CACNB2: variants seen among roughly 807,000 people sequenced by gnomAD.
CACNB2 encodes the protein voltage-dependent L-type calcium channel subunit beta-2.
In CACNB2, 42 loss-of-function variants were observed where a neutral mutation model predicts 73.3. The observed-to-expected ratio is 0.57, with a 90% CI of 0.45 to 0.74. The LOEUF (loss-of-function observed/expected upper bound fraction) is 0.74. CACNB2 is among the 30% of genes least tolerant of loss of function. The pLI is 0.00. For missense variants in CACNB2, 940 were observed against 853.0 expected (o/e 1.10, Z -1.27); for synonymous variants, 348 against 310.3 (o/e 1.12, Z -1.28).
At chr10:18,461,756 C>T (rs1002349512) in intron 3 of CACNB2, among the ~76,000 whole-genome samples, 7 of 135,858 alleles carry the variant, frequency 5.2e-5, no homozygotes, top group African/African-American at 1.1e-4. Flanking sequence ...TTAGGCATTT[C>T]GATAAAGCTT....
At chr10:18,389,676 A>G (rs2043379896) in intron 2 of CACNB2, among the ~76,000 whole-genome samples, 1 of 152,232 alleles carries the variant, frequency 6.6e-6, no homozygotes, top group Admixed American at 6.5e-5. Context: ...AGGTACATCT[A>G]AATGCATGTC....
chr10:18,512,019 T>C (rs972474149), intron 6 of CACNB2, among the ~76,000 whole-genome samples: 2 of 152,370 alleles, frequency 1.3e-5, no homozygotes, highest in Non-Finnish European at 2.9e-5. Context: ...GACTCTGCAG[T>C]TGATAAAATT....
intron 3 of CACNB2, among the ~76,000 whole-genome samples, chr10:18,414,395 C>T (rs1289876681): frequency 6.6e-6 from 1 of 151,988 alleles, no homozygotes; most frequent in African/African-American, 2.4e-5. Context: ...TGGCAATCGA[C>T]CTGTTAAGCT....
intron 2 of CACNB2, among the ~76,000 whole-genome samples, chr10:18,345,063 G>T (rs778945220): frequency 1.3e-5 from 2 of 152,136 alleles, no homozygotes; most frequent in Non-Finnish European, 2.9e-5. Context: ...CAATAAAATG[G>T]TCATTTATTT....
chr10:18,434,612 G>T (rs1163024999), intron 3 of CACNB2, among the ~76,000 whole-genome samples: 3 of 151,998 alleles, frequency 2.0e-5, no homozygotes, highest in African/African-American at 7.2e-5. Context: ...GGTTGCCTAG[G>T]CTGGTCTCGA....
intron 7 of CACNB2, among the ~76,000 whole-genome samples, chr10:18,516,895 A>C (rs532509182): frequency 6.6e-6 from 1 of 152,094 alleles, no homozygotes; most frequent in African/African-American, 2.4e-5. Flanking sequence ...GTGAAATTTT[A>C]GGCAGTGAAA....
intron 2 of CACNB2, among the ~76,000 whole-genome samples, chr10:18,301,342 C>T (rs2039501981): frequency 6.6e-6 from 1 of 152,130 alleles, no homozygotes; most frequent in South Asian, 2.1e-4. Flanking sequence ...CCACAGTAAT[C>T]CCAGCACTTT....
At chr10:18,283,509 T>C (rs2038648699) in intron 2 of CACNB2, among the ~76,000 whole-genome samples, 1 of 152,168 alleles carries the variant, frequency 6.6e-6, no homozygotes, top group South Asian at 2.1e-4. Flanking sequence ...GATGAGTTCA[T>C]GTCCTTTGTA....
intron 3 of CACNB2, among the ~76,000 whole-genome samples, chr10:18,409,223 C>T (rs925291548): frequency 6.6e-5 from 10 of 151,254 alleles, no homozygotes; most frequent in East Asian, 2.0e-4. Flanking sequence ...CACTTGAACC[C>T]GGAGGCGGAG....
At chr10:18,362,419 C>G (rs10764443) in intron 2 of CACNB2, among the ~76,000 whole-genome samples, 43,445 of 151,938 alleles carry the variant, frequency 0.29, 6,704 homozygotes, top group East Asian at 0.66. Flanking sequence ...TTTTCTAATT[C>G]TTTACATTGT....
At chr10:18,515,516 G>A (rs2051188586) in intron 7 of CACNB2, among the ~76,000 whole-genome samples, 1 of 152,206 alleles carries the variant, frequency 6.6e-6, no homozygotes, top group South Asian at 2.1e-4. Flanking sequence ...ATGTATTTTG[G>A]TTTGTGGAGG....
chr10:18,270,829 T>C (rs948971380), intron 2 of CACNB2, among the ~76,000 whole-genome samples: 9 of 152,226 alleles, frequency 5.9e-5, no homozygotes, highest in African/African-American at 1.9e-4. Context: ...CCTTTTTGAT[T>C]GTTGTATCTC....
chr10:18,240,785 T>C (rs11819588), intron 2 of CACNB2, among the ~76,000 whole-genome samples: 147 of 152,064 alleles, frequency 9.7e-4, no homozygotes, highest in African/African-American at 3.5e-3. Context: ...GATGCCTCCT[T>C]CCCTTTTCTC....
intron 3 of CACNB2, among the ~76,000 whole-genome samples, chr10:18,464,962 C>T (rs1397189304): frequency 2.0e-5 from 3 of 152,188 alleles, no homozygotes; most frequent in South Asian, 2.1e-4. Context: ...AGGCTTTGAA[C>T]AGGTGACTTC....
intron 2 of CACNB2, among the ~76,000 whole-genome samples, chr10:18,193,114 A>G (rs1326465540): frequency 6.6e-6 from 1 of 152,204 alleles, no homozygotes; most frequent in Non-Finnish European, 1.5e-5. Flanking sequence ...AATACAATGT[A>G]TAATGATCAA....
intron 3 of CACNB2, among the ~76,000 whole-genome samples, chr10:18,490,260 C>T (rs930138254): frequency 2.6e-5 from 4 of 152,174 alleles, no homozygotes; most frequent in Non-Finnish European, 4.4e-5. Context: ...AGGATCTGTT[C>T]GGCTTTAGTC....
chr10:18,481,769 T>A (rs1207267372), intron 3 of CACNB2, among the ~76,000 whole-genome samples: 1 of 152,194 alleles, frequency 6.6e-6, no homozygotes, highest in African/African-American at 2.4e-5. Context: ...ATCTGCTGTC[T>A]GGAGAGCTGA....
rs115703273 is a variant in CACNB2 at position 18,465,600 on chromosome 10, A to C, written c.334-32755A>C. On this transcript the variant is annotated intron_variant, in intron 3 of 13. Coordinates refer to ENST00000324631, the MANE Select transcript of CACNB2 (RefSeq NM_201596.3). ...GTGGTCCTGGTTACTTCCTCCCAGGATGCATGCAAAAGGAAGCACAGTGTT... is the reference window on the plus strand; with the variant it reads ...GTGGTCCTGGTTACTTCCTCCCAGGCTGCATGCAAAAGGAAGCACAGTGTT... Among the ~76,000 whole-genome samples the C allele has an allele frequency of 7.4e-3, 1,118 of 151,722 alleles. 22 individuals carry two copies. The highest frequency in any genetic ancestry group is 0.025 in the African/African-American group (1,042 of 41,344).
chr10:18,441,359 C>T (rs868461902), intron 3 of CACNB2, among the ~76,000 whole-genome samples: 5 of 152,128 alleles, frequency 3.3e-5, no homozygotes, highest in African/African-American at 7.2e-5. Flanking sequence ...GAGCTGATAT[C>T]GCGTCACTGC....
Sources: allele counts gnomAD v4.1 joint callset (sites outside exome capture counted in the v4.1 genomes callset), GRCh38; gene constraint gnomAD v4.1.1; transcripts MANE v1.5; gene names NCBI Gene and HGNC (gene_info 2026-07-23, HGNC 2026-07-21).